DACH1: variants seen among roughly 807,000 people sequenced by gnomAD.
DACH1 encodes the protein dachshund family transcription factor 1.
In DACH1, 12 loss-of-function variants were observed where a neutral mutation model predicts 54.2. The ratio of observed to expected loss-of-function variants is 0.22; its 90% CI spans 0.14 to 0.36. The LOEUF is 0.36. Ranked by LOEUF, DACH1 falls within the 10% of genes least tolerant of loss-of-function variation. DACH1 has a pLI of 1.00. For missense variants in DACH1, 805 were observed against 929.8 expected, an observed-to-expected ratio of 0.87 and a Z score of 1.75; for synonymous variants, 386 against 366.2, an observed-to-expected ratio of 1.05 and a Z score of -0.62.
At chr13:71,451,384 T>A (rs1183545793) in intron 10 of DACH1, among the ~76,000 whole-genome samples, 1 of 152,170 alleles carries the variant, frequency 6.6e-6, no homozygotes, top group Non-Finnish European at 1.5e-5. Flanking sequence ...ACCGTATTTG[T>A]GTATTTCTAG....
intron 1 of DACH1, among the ~76,000 whole-genome samples, chr13:71,789,980 G>A (rs1295000906): frequency 6.6e-6 from 1 of 152,086 alleles, no homozygotes; most frequent in Non-Finnish European, 1.5e-5. Flanking sequence ...TTCACAGAAA[G>A]GACAAATAAG....
At chr13:71,754,109 T>G (rs574707337) in intron 1 of DACH1, among the ~76,000 whole-genome samples, 33 of 152,182 alleles carry the variant, frequency 2.2e-4, no homozygotes, top group Non-Finnish European at 3.5e-4. Flanking sequence ...ATTTTCTCTT[T>G]TTTTCATATC....
intron 6 of DACH1, among the ~76,000 whole-genome samples, chr13:71,553,741 TG>T (rs1267114759): frequency 6.7e-6 from 1 of 150,218 alleles, no homozygotes; most frequent in African/African-American, 2.4e-5. Context: ...ATTTTTAAAA[TG>T]GAATGAATTT....
chr13:71,807,464 C>G (rs1887551830), intron 1 of DACH1, among the ~76,000 whole-genome samples: 1 of 148,162 alleles, frequency 6.7e-6, no homozygotes, highest in South Asian at 2.1e-4. Flanking sequence ...AAAATAGCAG[C>G]TGTTATTTGC....
intron 1 of DACH1, among the ~76,000 whole-genome samples, chr13:71,780,270 G>T (rs367932051): frequency 6.6e-6 from 1 of 152,026 alleles, no homozygotes; most frequent in African/African-American, 2.4e-5. Context: ...GTTCAGTGAG[G>T]CATTTTAGAG....
At chr13:71,825,389 A>C (rs1014191695) in intron 1 of DACH1, among the ~76,000 whole-genome samples, 11 of 152,260 alleles carry the variant, frequency 7.2e-5, no homozygotes, top group African/African-American at 2.4e-4. Flanking sequence ...TTACAGGGCT[A>C]TATATTACCA....
intron 1 of DACH1, among the ~76,000 whole-genome samples, chr13:71,857,340 T>A (rs1218378760): frequency 6.6e-6 from 1 of 151,736 alleles, no homozygotes; most frequent in Non-Finnish European, 1.5e-5. Context: ...ATAGGACCTG[T>A]TTATTGATGT....
chr13:71,635,395 CA>C (rs2138582117), intron 2 of DACH1, among the ~76,000 whole-genome samples: 1 of 152,230 alleles, frequency 6.6e-6, no homozygotes, highest in South Asian at 2.1e-4. Context: ...AAATCCCTTC[CA>C]ATTTCCTGTC....
chr13:71,455,146 TA>T (rs1173119123), intron 10 of DACH1, among the ~76,000 whole-genome samples: 1 of 152,174 alleles, frequency 6.6e-6, no homozygotes, highest in Admixed American at 6.6e-5. Context: ...TTATTGTTCT[TA>T]ATGTGCAAAA....
At chr13:71,553,743 G>C (rs1041822036) in intron 6 of DACH1, among the ~76,000 whole-genome samples, 2 of 149,318 alleles carry the variant, frequency 1.3e-5, no homozygotes, top group African/African-American at 2.5e-5. Flanking sequence ...TTTTAAAATG[G>C]AATGAATTTA....
At position 71,771,295 on chromosome 13, in the gene DACH1, A is replaced by C. The variant is rs191858887; in HGVS notation, c.849-89385T>G. Among the ~76,000 whole-genome samples, 7 of 149,928 alleles carry C rather than the reference A, an allele frequency of 4.7e-5. No individual in the cohort carries two copies. The East Asian group carries it at 1.4e-3, about 30-fold the overall frequency. On this transcript the variant is annotated intron_variant, in intron 1 of 10. Coordinates refer to ENST00000613252, the MANE Select transcript of DACH1 (RefSeq NM_080759.6). ...AATTATGAAGAAGAACACCACCAGC[A>C]AATGCAAAAAGAAGCAAAAGGATAA...
At chr13:71,610,276 T>C (rs1030153084) in intron 3 of DACH1, among the ~76,000 whole-genome samples, 2 of 152,136 alleles carry the variant, frequency 1.3e-5, no homozygotes, top group African/African-American at 4.8e-5. Context: ...TATCTGTATG[T>C]TTTATAGAGC....
chr13:71,685,143 T>C (rs1881097971), intron 1 of DACH1, among the ~76,000 whole-genome samples: 1 of 152,180 alleles, frequency 6.6e-6, no homozygotes, highest in African/African-American at 2.4e-5. Flanking sequence ...ACTCTGGAAG[T>C]AGAAGTGAGG....
In DACH1 at chr13:71,690,436, A is replaced by C. The variant is rs973594399; in HGVS notation, c.849-8526T>G. On this transcript the variant is annotated intron_variant, in intron 1 of 10. Transcript: ENST00000613252. ...CCGTAAGTCTTCCAGGCCACATATG[A>C]TTCTACCCACAACACCTCTCTTTTA... is the stretch of plus-strand genomic sequence containing the variant. Among the ~76,000 whole-genome samples the C allele has an allele frequency of 9.9e-5, 15 of 152,160 alleles. 1 individual carries two copies. The highest frequency in any genetic ancestry group is 9.8e-4 in the Admixed American group (15 of 15,268).
chr13:71,863,637 T>G (rs1874499732), intron 1 of DACH1, among the ~76,000 whole-genome samples: 1 of 152,106 alleles, frequency 6.6e-6, no homozygotes, highest in South Asian at 2.1e-4. Flanking sequence ...GAAAAATATT[T>G]AGTTAAAAGT....
intron 1 of DACH1, among the ~76,000 whole-genome samples, chr13:71,744,680 T>A (rs1277162465): frequency 1.3e-5 from 2 of 152,214 alleles, no homozygotes; most frequent in African/African-American, 2.4e-5. Flanking sequence ...ATATTACACA[T>A]GGGTGCCCAC....
intron 6 of DACH1, among the ~76,000 whole-genome samples, chr13:71,533,642 T>G (rs1415863151): frequency 1.3e-5 from 2 of 152,002 alleles, no homozygotes; most frequent in Non-Finnish European, 2.9e-5. Context: ...TCTCTTTAGT[T>G]CAATGAAATC....
At chr13:71,743,621 C>T (rs1239194893) in intron 1 of DACH1, among the ~76,000 whole-genome samples, 2 of 152,112 alleles carry the variant, frequency 1.3e-5, no homozygotes, top group Non-Finnish European at 2.9e-5. Context: ...GGAGAATATC[C>T]TATGCCAGGT....
intron 6 of DACH1, among the ~76,000 whole-genome samples, chr13:71,543,098 T>C (rs1157609298): frequency 1.3e-5 from 2 of 152,146 alleles, no homozygotes; most frequent in Non-Finnish European, 2.9e-5. Context: ...ACTGCCTAAG[T>C]TTGAAAACTG....
Sources: allele counts gnomAD v4.1 joint callset (sites outside exome capture counted in the v4.1 genomes callset), GRCh38; gene constraint gnomAD v4.1.1; transcripts MANE v1.5; gene names NCBI Gene and HGNC (gene_info 2026-07-23, HGNC 2026-07-21).